SGCD: variants seen among roughly 807,000 people sequenced by gnomAD.
SGCD encodes delta-sarcoglycan.
Under a neutral mutation model 36.6 loss-of-function variants are expected in SGCD, and 18 were observed. The observed-to-expected ratio is 0.49, with a 90% CI of 0.34 to 0.73. SGCD has a LOEUF of 0.73. Ranked by LOEUF, SGCD falls within the 30% of genes least tolerant of loss-of-function variation. The pLI is 0.01. For missense variants in SGCD, 387 were observed against 346.7 expected (o/e 1.12, Z -0.92); for synonymous variants, 133 against 130.6 (o/e 1.02, Z -0.12).
chr5:156,217,055 G>A (rs941447061), intron 3 of SGCD, among the ~76,000 whole-genome samples: 9 of 151,948 alleles, frequency 5.9e-5, no homozygotes, highest in East Asian at 1.9e-4. Context: ...TCCAGCCTGG[G>A]GGACAGAGTG....
At chr5:156,679,953 C>T (rs772828633) in intron 7 of SGCD, among the ~76,000 whole-genome samples, 1 of 152,146 alleles carries the variant, frequency 6.6e-6, no homozygotes, top group South Asian at 2.1e-4. Flanking sequence ...AAGAGAATTC[C>T]TTCCCTAAGA....
chr5:156,479,367 A>G (rs982345629), intron 3 of SGCD, among the ~76,000 whole-genome samples: 1 of 152,130 alleles, frequency 6.6e-6, no homozygotes, highest in Non-Finnish European at 1.5e-5. Flanking sequence ...AAGTGCTGGG[A>G]TTACAGGTGT....
At chr5:156,695,533 ATAGATAG>A (rs1754286285) in intron 7 of SGCD, among the ~76,000 whole-genome samples, 6 of 141,666 alleles carry the variant, frequency 4.2e-5, no homozygotes, top group African/African-American at 1.6e-4. Flanking sequence ...AGATAGATAG[ATAGATAG>A]ATAGATAGAT....
intron 1 of SGCD, among the ~76,000 whole-genome samples, chr5:155,998,031 G>A (rs1055707657): frequency 6.6e-6 from 1 of 152,202 alleles, no homozygotes; most frequent in Non-Finnish European, 1.5e-5. Context: ...CAAGCATTGT[G>A]TGTGCACGTG....
At chr5:156,238,351 C>T (rs769163804) in intron 3 of SGCD, among the ~76,000 whole-genome samples, 8 of 152,110 alleles carry the variant, frequency 5.3e-5, no homozygotes, top group Non-Finnish European at 8.8e-5. Flanking sequence ...TGGTATAGAG[C>T]GGGGATCCCT....
chr5:156,673,011 A>G (rs1396242749), intron 7 of SGCD, among the ~76,000 whole-genome samples: 2 of 151,854 alleles, frequency 1.3e-5, no homozygotes, highest in African/African-American at 4.8e-5. Context: ...TATTACACAC[A>G]TACGCAGTGC....
intron 3 of SGCD, among the ~76,000 whole-genome samples, chr5:156,146,620 G>C (rs973777786): frequency 2.6e-5 from 4 of 152,198 alleles, no homozygotes; most frequent in African/African-American, 4.8e-5. Context: ...GAAGAACAAA[G>C]TTTGGAGGGG....
At chr5:155,816,042 G>A in the SGCD span, among the ~76,000 whole-genome samples, 1 of 152,132 alleles carries the variant, frequency 6.6e-6, no homozygotes, top group African/African-American at 2.4e-5. Context: ...ATTGTACTAG[G>A]CTCAACTGAA....
intron 6 of SGCD, among the ~76,000 whole-genome samples, chr5:156,608,967 C>A (rs1326968700): frequency 6.6e-6 from 1 of 152,086 alleles, no homozygotes; most frequent in Non-Finnish European, 1.5e-5. Flanking sequence ...TTCCTGAATA[C>A]AGCACACTGA....
At chr5:156,260,870 G>A (rs1765841730) in intron 3 of SGCD, among the ~76,000 whole-genome samples, 2 of 152,056 alleles carry the variant, frequency 1.3e-5, no homozygotes, top group African/African-American at 4.8e-5. Context: ...AGTTTGCTGA[G>A]AGTTTTATCA....
At chr5:156,482,528 A>C (rs1755476547) in intron 3 of SGCD, among the ~76,000 whole-genome samples, 1 of 152,170 alleles carries the variant, frequency 6.6e-6, no homozygotes, top group African/African-American at 2.4e-5. Flanking sequence ...AAATCTCAAA[A>C]ATAGGGACAG....
chr5:156,006,128 CATT>C (rs1357938367), intron 1 of SGCD, among the ~76,000 whole-genome samples: 2 of 152,120 alleles, frequency 1.3e-5, no homozygotes, highest in Non-Finnish European at 2.9e-5. Context: ...AACATTCAAT[CATT>C]GTGAGCTGCT....
At chr5:155,973,629 A>G (rs752977113) in intron 1 of SGCD, among the ~76,000 whole-genome samples, 4 of 152,202 alleles carry the variant, frequency 2.6e-5, no homozygotes, top group African/African-American at 4.8e-5. Flanking sequence ...ATGAATATAT[A>G]TGATGCGCAG....
intron 7 of SGCD, among the ~76,000 whole-genome samples, chr5:156,652,909 A>G (rs755385386): frequency 2.0e-5 from 3 of 152,008 alleles, no homozygotes; most frequent in Non-Finnish European, 2.9e-5. Context: ...ATTGATTTGC[A>G]TATGTTGAAC....
the SGCD span, among the ~76,000 whole-genome samples, chr5:155,739,345 A>T: frequency 6.6e-6 from 1 of 152,202 alleles, no homozygotes; most frequent in Non-Finnish European, 1.5e-5. Flanking sequence ...TGGGACTGTG[A>T]GTTTCACAGT....
At chr5:155,946,701 T>A (rs1395085523) in intron 1 of SGCD, among the ~76,000 whole-genome samples, 2 of 152,152 alleles carry the variant, frequency 1.3e-5, no homozygotes, top group African/African-American at 4.8e-5. Flanking sequence ...AAAATAATCT[T>A]GTGAAATTCC....
intron 3 of SGCD, among the ~76,000 whole-genome samples, chr5:156,256,780 T>C (rs983835711): frequency 6.6e-6 from 1 of 152,196 alleles, no homozygotes; most frequent in Non-Finnish European, 1.5e-5. Flanking sequence ...TTAACAATAT[T>C]GCAGGAGGTT....
At chr5:156,510,375 G>A (rs1756877573) in intron 4 of SGCD, among the ~76,000 whole-genome samples, 1 of 152,138 alleles carries the variant, frequency 6.6e-6, no homozygotes, top group South Asian at 2.1e-4. Context: ...ACAGTTTAAA[G>A]CATTTAAAAA....
At chr5:156,399,777 T>G (rs541211378) in intron 3 of SGCD, among the ~76,000 whole-genome samples, 3 of 152,224 alleles carry the variant, frequency 2.0e-5, no homozygotes, top group African/African-American at 7.2e-5. Context: ...TTGTTTATCT[T>G]TCTTCCTTAC....
Sources: gnomAD v4.1 joint callset for allele counts (sites outside exome capture counted in the v4.1 genomes callset) on GRCh38, gnomAD v4.1.1 for gene constraint, MANE v1.5 for transcripts, NCBI Gene and HGNC (gene_info 2026-07-23, HGNC 2026-07-21) for gene names.